Variants in MMAA observed in about 807,000 individuals in gnomAD.
MMAA encodes the protein metabolism of cobalamin associated A.
In MMAA, 41 loss-of-function variants were observed where a neutral mutation model predicts 45.0. The ratio of observed to expected loss-of-function variants is 0.91; its 90% CI spans 0.71 to 1.18. The LOEUF (loss-of-function observed/expected upper bound fraction) is 1.18, where lower values mean the gene tolerates loss of function less well. MMAA is among the 50% of genes most tolerant of loss of function. The pLI is 0.00. For synonymous variants in MMAA, 154 were observed against 178.2 expected (o/e 0.86, Z 1.08); for missense variants, 460 against 495.7 (o/e 0.93, Z 0.68).
At chr4:145,645,741 C>T (rs138455712) in intron 3 of MMAA, among the ~76,000 whole-genome samples, 33 of 152,186 alleles carry the variant, frequency 2.2e-4, no homozygotes, top group Non-Finnish European at 4.3e-4. Context: ...AGGTAAGGTG[C>T]GGCTGAAGAA....
In MMAA at chr4:145,625,748, T is replaced by G. The variant is rs1465163797; in HGVS notation, c.-66+6341T>G. 66 of 1,354,422 alleles carry G rather than the reference T, an allele frequency of 4.9e-5. No homozygotes were observed. In the East Asian group the frequency reaches 1.5e-3, roughly 30 times the overall value. The allele number at this position is 1,354,422 out of a possible 1,614,324, so 83.9% of individuals were successfully genotyped here. ...GATGAATAAGACAATTGAACTGGCC[T>G]GATAACCAGTAGAGCTGCTGAGCCT... On this transcript the variant is annotated intron_variant, in intron 1 of 6. Transcript: ENST00000649156.
chr4:145,659,364 T>C lies in MMAA; in HGVS notation c.*3930T>C, dbSNP rs1307748945. 6.6e-6 allele frequency: 1 copy of C among 152,180 alleles called. No individual in the cohort carries two copies. The highest frequency in any genetic ancestry group is 1.5e-5 in the Non-Finnish European group (1 of 68,022). The allele number at this position is 152,180 out of a possible 1,614,324, so 9.4% of individuals were successfully genotyped here. On this transcript the variant is annotated 3_prime_UTR_variant, in exon 7 of 7. Transcript: ENST00000649156. ...TTTTGTTTTAGAGAAAATTTCACTC[T>C]GTACTAGAAAATGTAGATGATGTGA...
chr4:145,651,993 C>G (rs895009500), intron 5 of MMAA, among the ~76,000 whole-genome samples: 2 of 152,320 alleles, frequency 1.3e-5, no homozygotes, highest in Middle Eastern at 3.4e-3. Flanking sequence ...TGCTGCCCCC[C>G]TGCTGTGAGG....
At chr4:145,626,660 A>G (rs1020155866) in intron 1 of MMAA, among the ~76,000 whole-genome samples, 21 of 152,236 alleles carry the variant, frequency 1.4e-4, no homozygotes, top group Middle Eastern at 3.2e-3. Context: ...TGAAATCCAT[A>G]GTTTTTTCCA....
In MMAA at chr4:145,651,053, C is replaced by A. The variant is rs756275016; in HGVS notation, c.734-9C>A. ...TATTTTAGGATATAGTTGTGATTTA[C>A]AATTTCAGGTGTGGGTCAGTCGGAG... is the stretch of plus-strand genomic sequence containing the variant. On this transcript the variant is annotated splice_polypyrimidine_tract_variant and intron_variant, in intron 4 of 6. Coordinates refer to ENST00000649156, the MANE Select transcript of MMAA (RefSeq NM_172250.3). 6.2e-7 allele frequency: 1 copy of A among 1,613,360 alleles called. No homozygotes were observed. The highest frequency in any genetic ancestry group is 1.1e-5 in the South Asian group (1 of 91,070).
rs191452106 is a variant in MMAA, at chr4:145,638,557, A to G, written c.-65-518A>G. ...TGCTTTAAGTTAGGCTACTCTTTGC[A>G]TACATCTGTGTTCAAGGATGAGTCT... On this transcript the variant is annotated intron_variant, in intron 1 of 6. Coordinates refer to ENST00000649156, the MANE Select transcript of MMAA (RefSeq NM_172250.3). 2.6e-5 allele frequency among the ~76,000 whole-genome samples: 4 copies of G among 152,340 alleles called. No homozygotes were observed. In the East Asian group the frequency reaches 7.7e-4, roughly 29 times the overall value.
chr4:145,655,474 T>A lies in MMAA; in HGVS notation c.*40T>A. The A allele has an allele frequency of 6.6e-7, 1 of 1,520,364 alleles. No homozygotes were observed. Among genetic ancestry groups the A allele is most frequent in the Middle Eastern group, 1.8e-4 (1 of 5,706 alleles). 94.2% of individuals were successfully genotyped at this position (1,520,364 alleles called of 1,614,324 possible). ...TATAATAATTTTACATATCATTTCA[T>A]AAAGTATTTTAATAGAAAAATCACT... On this transcript the variant is annotated 3_prime_UTR_variant, in exon 7 of 7. Transcript: ENST00000649156.
rs1728322020 is a variant in MMAA, at chr4:145,659,145, T to C, written c.*3711T>C. ...AAAAACTCTTTAACAAATGTTTTTCTTTCCGTAGTATTTTAATTAAAATTT... is the reference window on the plus strand; with the variant it reads ...AAAAACTCTTTAACAAATGTTTTTCCTTCCGTAGTATTTTAATTAAAATTT... On this transcript the variant is annotated 3_prime_UTR_variant, in exon 7 of 7. Coordinates refer to ENST00000649156, the MANE Select transcript of MMAA (RefSeq NM_172250.3). 6.6e-6 allele frequency: 1 copy of C among 152,242 alleles called. No homozygotes were observed. The highest frequency in any genetic ancestry group is 6.5e-5 in the Admixed American group (1 of 15,288). The allele number at this position is 152,242 out of a possible 1,614,324, so 9.4% of individuals were successfully genotyped here.
intron 3 of MMAA, among the ~76,000 whole-genome samples, chr4:145,645,292 A>G (rs1467222759): frequency 2.6e-5 from 4 of 152,200 alleles, no homozygotes; most frequent in African/African-American, 4.8e-5. Flanking sequence ...TGTACCTTAG[A>G]AAATCACAGA....
chr4:145,625,874 ACTGTGAAT>A, intron 1 of MMAA: 4 of 1,429,250 alleles, frequency 2.8e-6, no homozygotes, highest in Non-Finnish European at 3.9e-6. Context: ...GGGTTATGCA[ACTGTGAAT>A]CTGAGCTTTG....
Position 145,624,871 on chromosome 4 carries a change from T to C in MMAA, c.-66+5464T>C, listed in dbSNP as rs111583258. ...TGGACAAGCCAATCCTCTGTAACCA[T>C]GCTGGGGGTGTACAATGGTTTCTTG... On this transcript the variant is annotated intron_variant, in intron 1 of 6. Coordinates refer to ENST00000649156, the MANE Select transcript of MMAA (RefSeq NM_172250.3). The C allele has an allele frequency of 4.3e-6, 7 of 1,609,568 alleles. 1 individual carries two copies. Among genetic ancestry groups the C allele is most frequent in the African/African-American group, 4.0e-5 (3 of 74,914 alleles).
rs2126629778 is a variant in MMAA, at chr4:145,655,149, A to G, written c.972A>G (p.Val324=). Residue 324 remains valine (V), a splice_region_variant and synonymous_variant, in exon 7 of 7, where the codon GTA becomes GTG. Transcript: ENST00000649156. The stretch of plus-strand genomic sequence containing the variant: ...TCTGGTTCTTCCCTTTTCGATAGGT[A>G]ATTCGTATTTCTGCCCGAAGTGGAG... ...RKRSQVWKPK[V]IRISARSGEG... The G allele has an allele frequency of 6.2e-7, 1 of 1,614,052 alleles. No homozygotes were observed.
At chr4:145,642,519 G>A in intron 3 of MMAA, 34 bp downstream of exon 3, 2 of 1,613,392 alleles carry the variant, frequency 1.2e-6, no homozygotes, top group Admixed American at 1.7e-5. Context: ...AATTGCAGAG[G>A]TCTGGGGGCT....
rs1198287958 is a variant in MMAA at position 145,655,743 on chromosome 4, T to A, written c.*309T>A. On this transcript the variant is annotated 3_prime_UTR_variant, in exon 7 of 7. Transcript: ENST00000649156. Reference sequence around the variant, plus strand: ...AAGCTGAGGAGAGCAGAAAATATCTTGCACTTTAAAATGCTTATTTTGATT... The same window carrying A: ...AAGCTGAGGAGAGCAGAAAATATCTAGCACTTTAAAATGCTTATTTTGATT... 4.7e-6 allele frequency: 1 copy of A among 211,620 alleles called. No homozygotes were observed. Among genetic ancestry groups the A allele is most frequent in the Non-Finnish European group, 9.4e-6 (1 of 106,848 alleles). 13.1% of individuals were successfully genotyped at this position (211,620 alleles called of 1,614,324 possible). A position where few individuals can be genotyped will look rare whatever the true frequency, so the allele number is the denominator to read the frequency against.
intron 2 of MMAA, 117 bp from the exon 3 acceptor site, chr4:145,642,245 AT>A (rs1404160126): frequency 1.7e-6 from 2 of 1,143,068 alleles, no homozygotes; most frequent in East Asian, 4.8e-5. Flanking sequence ...AAATATATTA[AT>A]TGTGGTTTTA....
Position 145,658,135 on chromosome 4 carries a change from A to T in MMAA, c.*2701A>T, listed in dbSNP as rs967200058. On this transcript the variant is annotated 3_prime_UTR_variant, in exon 7 of 7. Coordinates refer to ENST00000649156, the MANE Select transcript of MMAA (RefSeq NM_172250.3). ...TTCTGCCATGATTGTAAGCTTCCTG[A>T]GGCCTCCCTAGAAGCTGAGCAGATG... 5 of 153,142 alleles carry T rather than the reference A, an allele frequency of 3.3e-5. No homozygotes were observed. The highest frequency in any genetic ancestry group is 1.2e-4 in the African/African-American group (5 of 41,452). The allele number at this position is 153,142 out of a possible 1,614,324, so 9.5% of individuals were successfully genotyped here. A position where few individuals can be genotyped will look rare whatever the true frequency, so the allele number is the denominator to read the frequency against.
chr4:145,650,900 CATTT>C, intron 4 of MMAA, 158 bp from the exon 5 acceptor site: 2 of 697,334 alleles, frequency 2.9e-6, no homozygotes, highest in Non-Finnish European at 5.2e-6. Flanking sequence ...TAAGATATGA[CATTT>C]AATACATTCT....
intron 2 of MMAA, among the ~76,000 whole-genome samples, chr4:145,640,769 A>G (rs1727758269): frequency 6.6e-6 from 1 of 152,206 alleles, no homozygotes; most frequent in African/African-American, 2.4e-5. Flanking sequence ...GAAATTGTGC[A>G]TTGTAAAACA....
In MMAA at chr4:145,653,991, T is replaced by C. The variant is rs368025764; in HGVS notation, c.820-3T>C. The C allele has an allele frequency of 2.5e-6, 4 of 1,613,984 alleles. No individual in the cohort carries two copies. The highest frequency in any genetic ancestry group is 1.1e-5 in the South Asian group (1 of 91,082). On this transcript the variant is annotated splice_polypyrimidine_tract_variant and splice_region_variant and intron_variant, in intron 5 of 6. Coordinates refer to ENST00000649156, the MANE Select transcript of MMAA (RefSeq NM_172250.3). ...TGTCATTAAATGTTTCTGATCTCTTTAGGGTATCAAAAGGGGTATAATCGA... is the reference window on the plus strand; with the variant it reads ...TGTCATTAAATGTTTCTGATCTCTTCAGGGTATCAAAAGGGGTATAATCGA...
Sources: allele counts gnomAD v4.1 joint callset (sites outside exome capture counted in the v4.1 genomes callset), GRCh38; gene constraint gnomAD v4.1.1; transcripts MANE v1.5; gene names NCBI Gene and HGNC (gene_info 2026-07-23, HGNC 2026-07-21).